DRC7: variants seen among roughly 807,000 people sequenced by gnomAD.
DRC7 encodes coiled-coil domain containing 135.
In DRC7, 80 loss-of-function variants were observed where a neutral mutation model predicts 104.4. The observed-to-expected ratio is 0.77, with a 90% confidence interval of 0.64 to 0.92. DRC7 has a LOEUF of 0.92. DRC7 is among the 40% of genes least tolerant of loss of function. DRC7 has a pLI of 0.00. For missense variants in DRC7, 1,034 were observed against 1,141.1 expected (o/e 0.91, Z 1.35); for synonymous variants, 405 against 447.3 (o/e 0.91, Z 1.19).
intron 1 of DRC7, among the ~76,000 whole-genome samples, chr16:57,695,188 G>A (rs1326933649): frequency 3.3e-5 from 4 of 121,650 alleles, no homozygotes; most frequent in Non-Finnish European, 7.9e-5. Context: ...TTCTGGGACT[G>A]ACACGTCGGC....
intron 16 of DRC7, 152 bp from the exon 17 acceptor site, chr16:57,728,238 A>C (rs1377041303): frequency 1.6e-6 from 1 of 610,804 alleles, no homozygotes; most frequent in African/African-American, 1.9e-5. Flanking sequence ...AGAGACCAGC[A>C]TGTGGGCCCT....
chr16:57,728,780 G>A (rs957687788), intron 17 of DRC7, among the ~76,000 whole-genome samples, 196 bp downstream of exon 17: 4 of 141,012 alleles, frequency 2.8e-5, no homozygotes, highest in African/African-American at 5.1e-5. Flanking sequence ...ATCGATAGGG[G>A]GATGGATGGA....
At chr16:57,729,930 G>A (rs2049036511) in intron 17 of DRC7, among the ~76,000 whole-genome samples, 1 of 124,154 alleles carries the variant, frequency 8.1e-6, no homozygotes, top group Non-Finnish European at 1.7e-5. Context: ...GGATGAGTGG[G>A]TGGGTGGATG....
At chr16:57,702,884 C>G (rs1419381056) in intron 6 of DRC7, among the ~76,000 whole-genome samples, 1 of 151,998 alleles carries the variant, frequency 6.6e-6, no homozygotes, top group Non-Finnish European at 1.5e-5. Context: ...AGGTAAAAAG[C>G]CTGCTTTTTT....
chr16:57,721,629 A>C, intron 9 of DRC7, 38 bp from the exon 10 acceptor site: 1 of 1,528,552 alleles, frequency 6.5e-7, no homozygotes, highest in Non-Finnish European at 9.0e-7. Context: ...CAACACCCTG[A>C]CCAGCACCAC....
chr16:57,729,767 T>A (rs1597816417), intron 17 of DRC7, among the ~76,000 whole-genome samples: 1 of 86,116 alleles, frequency 1.2e-5, no homozygotes, highest in Non-Finnish European at 2.2e-5. Context: ...GGTGGATGGA[T>A]GAGTGGGTGG....
In DRC7 at chr16:57,728,650, G is replaced by A. The variant is rs546606268; in HGVS notation, c.2391+66G>A. 39 of 1,351,378 alleles carry A rather than the reference G, an allele frequency of 2.9e-5. No individual in the cohort carries two copies. In the Admixed American group the frequency reaches 4.5e-4, roughly 15 times the overall value. The allele number at this position is 1,351,378 out of a possible 1,614,324, so 83.7% of individuals were successfully genotyped here. On this transcript the variant is annotated intron_variant, in intron 17 of 18. Transcript: ENST00000360716. ...ATCTGCATCCAGGAAATGGGCCCAC[G>A]GCTGTCCGCCCACTACCTCACAGGC...
At chr16:57,728,813 G>C in intron 17 of DRC7, among the ~76,000 whole-genome samples, 1 of 149,346 alleles carries the variant, frequency 6.7e-6, no homozygotes, top group Non-Finnish European at 1.5e-5. Context: ...TAGGTGGGTG[G>C]GTGGGTGGGT....
At chr16:57,714,650 A>G (rs2048822857) in intron 8 of DRC7, 2 of 190,912 alleles carry the variant, frequency 1.0e-5, no homozygotes, top group Non-Finnish European at 2.1e-5. Context: ...ACACACACAC[A>G]TACATATGCA....
intron 9 of DRC7, among the ~76,000 whole-genome samples, chr16:57,719,826 T>C (rs773328963): frequency 5.9e-5 from 9 of 152,148 alleles, no homozygotes; most frequent in Non-Finnish European, 8.8e-5. Context: ...TCATATTGGG[T>C]TAGGGCCCAC....
chr16:57,730,864 G>A (rs1277595622), intron 17 of DRC7, 67 bp from the exon 18 acceptor site: 15 of 1,562,604 alleles, frequency 9.6e-6, no homozygotes, highest in South Asian at 4.7e-5. Flanking sequence ...CCATGGGATT[G>A]CAGCCTGCAG....
Position 57,702,006 on chromosome 16 carries a change from T to C in DRC7, c.575T>C (p.Leu192Pro). 3 of 1,614,206 alleles carry C rather than the reference T, an allele frequency of 1.9e-6. No homozygotes were observed. The highest frequency in any genetic ancestry group is 2.5e-6 in the Non-Finnish European group (3 of 1,180,020). Residue 192 changes from leucine (L) to proline (P), a missense_variant, in exon 6 of 19, where the codon CTG (leucine) becomes CCG (proline). By Grantham distance (98) the Leu-to-Pro change is moderately conservative. Coordinates refer to ENST00000360716, the MANE Select transcript of DRC7 (RefSeq NM_001289162.2). ...QKGNCFDFST[L>P]LCSMLIGSGY... ...GGGAACTGCTTTGACTTCAGTACGC[T>C]GCTCTGCTCCATGCTTATCGGCTCT...
chr16:57,727,435 C>T lies in DRC7; in HGVS notation c.2196+26C>T, dbSNP rs183168073. The T allele has an allele frequency of 1.7e-4, 270 of 1,559,452 alleles. 3 individuals carry two copies. The South Asian group carries it at 2.3e-3, about 13-fold the overall frequency. On this transcript the variant is annotated intron_variant, in intron 16 of 18. Transcript: ENST00000360716. The stretch of plus-strand genomic sequence containing the variant: ...GTCAGTCCCAATCCCTTCTCCAGGC[C>T]CCAGCTTTTCCTAGACCCCCCTGGT...
At chr16:57,728,712 C>T in intron 17 of DRC7, 128 bp downstream of exon 17, 1 of 643,078 alleles carries the variant, frequency 1.6e-6, no homozygotes, top group South Asian at 2.6e-5. Flanking sequence ...TATGTCAATG[C>T]TTGGGGTTTC....
At chr16:57,722,614 A>C in intron 10 of DRC7, 99 bp from the exon 11 acceptor site, 1 of 1,512,834 alleles carries the variant, frequency 6.6e-7, no homozygotes, top group Non-Finnish European at 9.0e-7. Context: ...GGAGTTCAGT[A>C]CACAGAGAAC....
rs1292356671 is a variant in DRC7, at chr16:57,704,871, G to A, written c.700-5G>A. On this transcript the variant is annotated splice_region_variant and splice_polypyrimidine_tract_variant and intron_variant, in intron 6 of 18. Coordinates refer to ENST00000360716, the MANE Select transcript of DRC7 (RefSeq NM_001289162.2). Reference sequence around the variant, plus strand: ...ACTGACCCTTCCTCTTCTTTTGGGTGACAGACCATCAAGAAGGAGGAAAAG... The same window carrying A: ...ACTGACCCTTCCTCTTCTTTTGGGTAACAGACCATCAAGAAGGAGGAAAAG... The A allele has an allele frequency of 1.2e-6, 2 of 1,613,146 alleles. No individual in the cohort carries two copies. Among genetic ancestry groups the A allele is most frequent in the Admixed American group, 3.3e-5 (2 of 59,940 alleles).
chr16:57,727,529 C>A, intron 16 of DRC7, 120 bp downstream of exon 16: 1 of 694,640 alleles, frequency 1.4e-6, no homozygotes, highest in Non-Finnish European at 2.5e-6. Context: ...GTTATTGATA[C>A]CATGCGGTCA....
chr16:57,720,601 G>A (rs2048892284), intron 9 of DRC7, among the ~76,000 whole-genome samples: 1 of 152,104 alleles, frequency 6.6e-6, no homozygotes, highest in East Asian at 1.9e-4. Flanking sequence ...ACGGACAGAG[G>A]GCAGCCCAAA....
At chr16:57,723,624 A>T (rs1046061540) in intron 12 of DRC7, among the ~76,000 whole-genome samples, 2 of 152,026 alleles carry the variant, frequency 1.3e-5, no homozygotes, top group Non-Finnish European at 2.9e-5. Context: ...GCTACTCAGG[A>T]GACTAAGGCA....
Sources: gnomAD v4.1 joint callset for allele counts (sites outside exome capture counted in the v4.1 genomes callset) on GRCh38, gnomAD v4.1.1 for gene constraint, MANE v1.5 for transcripts, NCBI Gene and HGNC (gene_info 2026-07-23, HGNC 2026-07-21) for gene names.